The following LINGO2 variants were observed in gnomAD, a reference collection of about 807,000 sequenced individuals.
LINGO2 encodes leucine rich repeat and Ig domain containing 2, also known as leucine-rich repeat and immunoglobulin-like domain-containing nogo receptor-interacting protein 2.
Under a neutral mutation model 30.6 loss-of-function variants are expected in LINGO2, and 14 were observed. That is an observed-to-expected ratio of 0.46 (90% CI 0.30 to 0.72). The LOEUF (loss-of-function observed/expected upper bound fraction) is 0.72, where lower values mean the gene tolerates loss of function less well. Among genes scored for constraint, LINGO2 ranks in the 30% least tolerant of loss-of-function variants. The pLI is 0.07. For missense variants in LINGO2, 729 were observed against 751.7 expected (o/e 0.97, Z 0.35); for synonymous variants, 317 against 288.5 (o/e 1.10, Z -1.00).
chr9:29,177,236 T>C, the LINGO2 span, among the ~76,000 whole-genome samples: 1 of 152,234 alleles, frequency 6.6e-6, no homozygotes, highest in Middle Eastern at 3.2e-3. Context: ...ACTAATTTTA[T>C]AGCACTTCTA....
intron 4 of LINGO2, among the ~76,000 whole-genome samples, chr9:28,126,685 A>C (rs1369609821): frequency 2.6e-5 from 4 of 152,230 alleles, no homozygotes; most frequent in Non-Finnish European, 5.9e-5. Flanking sequence ...GAGACTTGCA[A>C]TATGCATTAA....
the LINGO2 span, among the ~76,000 whole-genome samples, chr9:28,793,441 G>A: frequency 2.6e-5 from 4 of 152,056 alleles, no homozygotes; most frequent in Non-Finnish European, 5.9e-5. Context: ...TGCCTTTTGC[G>A]GAGAGTTGTT....
chr9:28,567,761 T>C (rs1211058196), intron 1 of LINGO2, among the ~76,000 whole-genome samples: 1 of 151,662 alleles, frequency 6.6e-6, no homozygotes, highest in African/African-American at 2.4e-5. Flanking sequence ...AATATACTTA[T>C]GGAACGAACC....
At chr9:29,057,007 C>T in the LINGO2 span, among the ~76,000 whole-genome samples, 4 of 152,128 alleles carry the variant, frequency 2.6e-5, no homozygotes, top group African/African-American at 9.6e-5. Context: ...AGTATAAAGT[C>T]GGGTAATGTG....
At chr9:28,331,154 TG>T (rs1825404595) in intron 3 of LINGO2, among the ~76,000 whole-genome samples, 1 of 152,066 alleles carries the variant, frequency 6.6e-6, no homozygotes, top group South Asian at 2.1e-4. Flanking sequence ...GTCTCTTTAT[TG>T]GTGAGGGGTA....
chr9:28,111,579 C>A (rs2133363006), intron 4 of LINGO2, among the ~76,000 whole-genome samples: 1 of 152,116 alleles, frequency 6.6e-6, no homozygotes, highest in African/African-American at 2.4e-5. Context: ...GTGGCTAGTT[C>A]AGAGTAATCA....
chr9:27,990,371 A>C (rs577126764), intron 5 of LINGO2, among the ~76,000 whole-genome samples: 2 of 151,948 alleles, frequency 1.3e-5, no homozygotes, highest in Admixed American at 1.3e-4. Flanking sequence ...GGATAGACAC[A>C]ATGGCTTATG....
At chr9:28,026,895 G>A (rs1201210899) in intron 4 of LINGO2, among the ~76,000 whole-genome samples, 2 of 152,142 alleles carry the variant, frequency 1.3e-5, no homozygotes, top group Admixed American at 6.6e-5. Context: ...GAAGATCTCA[G>A]TATTCAAGGC....
At chr9:28,680,721 G>T in the LINGO2 span, among the ~76,000 whole-genome samples, 1 of 152,008 alleles carries the variant, frequency 6.6e-6, no homozygotes, top group African/African-American at 2.4e-5. Context: ...TTGATAATTA[G>T]TGATTGCGAG....
At chr9:29,055,031 C>A in the LINGO2 span, among the ~76,000 whole-genome samples, 1 of 152,002 alleles carries the variant, frequency 6.6e-6, no homozygotes, top group East Asian at 1.9e-4. Context: ...CCAACCTGAC[C>A]AATTTGGTGA....
At chr9:28,793,396 C>T in the LINGO2 span, among the ~76,000 whole-genome samples, 1 of 152,156 alleles carries the variant, frequency 6.6e-6, no homozygotes, top group African/African-American at 2.4e-5. Context: ...ATAGTCTGCG[C>T]AATCTGTCTC....
intron 3 of LINGO2, among the ~76,000 whole-genome samples, chr9:28,349,070 G>A (rs1241755708): frequency 6.6e-6 from 1 of 151,902 alleles, no homozygotes; most frequent in Non-Finnish European, 1.5e-5. Flanking sequence ...AGAAAAACTG[G>A]AAACTCTAAA....
chr9:28,300,023 C>A lies in LINGO2; in HGVS notation c.-245-4657G>T, dbSNP rs114327428. Among the ~76,000 whole-genome samples the A allele has an allele frequency of 3.7e-3, 551 of 150,796 alleles. 3 individuals carry two copies. Among genetic ancestry groups the A allele is most frequent in the African/African-American group, 0.013 (526 of 41,012 alleles). ...TAGGTTTTATTTCATAAAGAAGATA[C>A]CAAAGCCAACAAACAAAATAACAGG... On this transcript the variant is annotated intron_variant, in intron 3 of 5. Transcript: ENST00000379992.
chr9:28,080,381 C>G lies in LINGO2; in HGVS notation c.-86-67976G>C, dbSNP rs118003121. On this transcript the variant is annotated intron_variant, in intron 4 of 5. Coordinates refer to ENST00000379992, the Ensembl canonical transcript of LINGO2. ...GAATCAACTCACGCTGGCTTGCTTT[C>G]TATTCTTTAAACATTCCAAACTCAT... 2.4e-3 allele frequency among the ~76,000 whole-genome samples: 371 copies of G among 152,260 alleles called. 7 individuals are homozygous for G. The South Asian group carries it at 0.047, about 19-fold the overall frequency.
At chr9:28,885,003 TA>T in the LINGO2 span, among the ~76,000 whole-genome samples, 4 of 75,994 alleles carry the variant, frequency 5.3e-5, no homozygotes, top group South Asian at 1.6e-3. Context: ...ATATTATATA[TA>T]TATATATATA....
chr9:29,201,205 T>C, the LINGO2 span, among the ~76,000 whole-genome samples: 2 of 152,248 alleles, frequency 1.3e-5, no homozygotes, highest in Admixed American at 1.3e-4. Flanking sequence ...CATAAATTAT[T>C]TGAAATTGTT....
At chr9:28,439,503 G>A (rs1257814232) in intron 2 of LINGO2, among the ~76,000 whole-genome samples, 1 of 152,040 alleles carries the variant, frequency 6.6e-6, no homozygotes, top group Non-Finnish European at 1.5e-5. Context: ...GGAGGAGGGG[G>A]CTTGGTCAGA....
the LINGO2 span, among the ~76,000 whole-genome samples, chr9:28,866,369 C>T: frequency 1.3e-5 from 2 of 151,978 alleles, no homozygotes; most frequent in African/African-American, 2.4e-5. Context: ...TGTTAATAAC[C>T]GTGCATCAGT....
intron 2 of LINGO2, among the ~76,000 whole-genome samples, chr9:28,377,201 C>T (rs933109188): frequency 6.6e-6 from 1 of 152,104 alleles, no homozygotes; most frequent in Non-Finnish European, 1.5e-5. Flanking sequence ...CCTTCCACCT[C>T]CCCCACCTCT....
Sources: allele counts gnomAD v4.1 joint callset (sites outside exome capture counted in the v4.1 genomes callset), GRCh38; gene constraint gnomAD v4.1.1; transcripts MANE v1.5; gene names NCBI Gene and HGNC (gene_info 2026-07-23, HGNC 2026-07-21).